The following PIP5K1A variants were observed in gnomAD, a reference collection of about 807,000 sequenced individuals.
PIP5K1A encodes phosphatidylinositol-4-phosphate 5-kinase type 1 alpha.
PIP5K1A carries 46 observed loss-of-function variants against 72.9 expected under a neutral mutation model. The observed-to-expected ratio is 0.63, with a 90% CI of 0.50 to 0.81. PIP5K1A has a LOEUF of 0.81. Among genes scored for constraint, PIP5K1A ranks in the 30% least tolerant of loss-of-function variants. The pLI is 0.00. For synonymous variants in PIP5K1A, 228 were observed against 255.1 expected (o/e 0.89, Z 1.01); for missense variants, 458 against 706.1 (o/e 0.65, Z 3.98).
intron 1 of PIP5K1A, among the ~76,000 whole-genome samples, chr1:151,208,695 T>C (rs1364077837): frequency 6.7e-6 from 1 of 149,686 alleles, no homozygotes; most frequent in Non-Finnish European, 1.5e-5. Flanking sequence ...ATCCAGTCAT[T>C]ATTAAGGATG....
Position 151,198,662 on chromosome 1 carries a change from G to C in PIP5K1A, c.-335G>C, listed in dbSNP as rs1558224378. On this transcript the variant is annotated 5_prime_UTR_variant, in exon 1 of 16. Coordinates refer to ENST00000368888, the MANE Select transcript of PIP5K1A (RefSeq NM_001135638.2). The stretch of plus-strand genomic sequence containing the variant: ...GCTCCTTTGGGACTTTTCATGCCTC[G>C]TTTTTTTTTCAGATGTGGCTTGGTC... The C allele has an allele frequency of 9.7e-6, 3 of 310,324 alleles. No homozygotes were observed. Among genetic ancestry groups the C allele is most frequent in the Non-Finnish European group, 1.8e-5 (3 of 164,804 alleles). The allele number at this position is 310,324 out of a possible 1,614,324, so 19.2% of individuals were successfully genotyped here.
intron 1 of PIP5K1A, among the ~76,000 whole-genome samples, chr1:151,217,274 T>G (rs587684546): frequency 1.3e-5 from 2 of 152,252 alleles, no homozygotes; most frequent in African/African-American, 4.8e-5. Context: ...TTTTTCTGTT[T>G]TTGGTTTTGT....
chr1:151,246,382 T>C (rs1041712337), intron 14 of PIP5K1A, among the ~76,000 whole-genome samples: 8 of 152,152 alleles, frequency 5.3e-5, no homozygotes, highest in African/African-American at 1.7e-4. Context: ...AGCTCACTTA[T>C]ATGGTTGTTG....
intron 1 of PIP5K1A, chr1:151,223,890 G>T: frequency 4.2e-6 from 1 of 237,478 alleles, no homozygotes. Flanking sequence ...TCAGGAGGCT[G>T]AGCAGGAGAA....
intron 1 of PIP5K1A, among the ~76,000 whole-genome samples, chr1:151,204,471 C>T (rs1685667476): frequency 6.6e-6 from 1 of 152,198 alleles, no homozygotes; most frequent in Non-Finnish European, 1.5e-5. Flanking sequence ...GCCGCCACGC[C>T]CGGCCTGTGG....
upstream of PIP5K1A, chr1:151,197,952 G>T (rs958982120): frequency 7.0e-6 from 3 of 430,806 alleles, no homozygotes; most frequent in African/African-American, 2.1e-5. Flanking sequence ...GGGTTGGGTC[G>T]CGGGAAGGTT....
chr1:151,199,546 A>C (rs192140705), intron 1 of PIP5K1A, among the ~76,000 whole-genome samples: 1 of 151,860 alleles, frequency 6.6e-6, no homozygotes, highest in Non-Finnish European at 1.5e-5. Flanking sequence ...CCTGGGAGGC[A>C]GAGCTTGCGG....
At chr1:151,231,844 C>A (rs771760339) in intron 5 of PIP5K1A, 43 bp downstream of exon 5, 38 of 1,601,510 alleles carry the variant, frequency 2.4e-5, no homozygotes, top group Admixed American at 3.3e-5. Flanking sequence ...GAAATGTGGC[C>A]TTTTCAAATC....
chr1:151,223,945 G>C, intron 1 of PIP5K1A: 1 of 404,846 alleles, frequency 2.5e-6, no homozygotes, highest in South Asian at 2.9e-5. Context: ...TCCAGCCTGG[G>C]CGATAGAGTG....
intron 1 of PIP5K1A, among the ~76,000 whole-genome samples, chr1:151,212,186 C>T (rs1214766405): frequency 6.6e-6 from 1 of 151,828 alleles, no homozygotes; most frequent in Non-Finnish European, 1.5e-5. Context: ...GGTGCGGTAG[C>T]TTAACGCCTG....
intron 1 of PIP5K1A, among the ~76,000 whole-genome samples, chr1:151,200,511 C>T (rs1458182470): frequency 3.9e-5 from 6 of 152,038 alleles, no homozygotes; most frequent in Non-Finnish European, 7.4e-5. Flanking sequence ...CTGGAATAGA[C>T]GCTGCCAGAT....
chr1:151,206,053 T>C (rs1241890477), intron 1 of PIP5K1A, among the ~76,000 whole-genome samples: 1 of 152,144 alleles, frequency 6.6e-6, no homozygotes, highest in Admixed American at 6.6e-5. Context: ...CCCTTTCCCA[T>C]CTAAACAGAG....
chr1:151,220,319 T>C (rs1246693001), intron 1 of PIP5K1A, among the ~76,000 whole-genome samples: 1 of 152,018 alleles, frequency 6.6e-6, no homozygotes, highest in Non-Finnish European at 1.5e-5. Flanking sequence ...GTCTCTATTT[T>C]AAAAAAGCCA....
chr1:151,232,347 C>T lies in PIP5K1A; in HGVS notation c.468C>T (p.Ile156=). The change falls in exon 6 of 16, where the codon ATC becomes ATT. Residue 156 remains isoleucine (I), a synonymous_variant. Coordinates refer to ENST00000368888, the MANE Select transcript of PIP5K1A (RefSeq NM_001135638.2). The part of the protein sequence containing the change: ...AFRYFRELFG[I]RPDDYLYSLC... ...GCTACTTCCGGGAGCTATTTGGTAT[C>T]CGGCCCGATGATTACTTGGTAAGCA... The T allele has an allele frequency of 6.2e-7, 1 of 1,612,846 alleles. No individual in the cohort carries two copies. Among genetic ancestry groups the T allele is most frequent in the Non-Finnish European group, 8.5e-7 (1 of 1,178,844 alleles).
intron 1 of PIP5K1A, among the ~76,000 whole-genome samples, chr1:151,204,382 G>T (rs910992598): frequency 3.9e-5 from 6 of 152,044 alleles, no homozygotes; most frequent in Non-Finnish European, 8.8e-5. Flanking sequence ...TCGCCATGTT[G>T]GCCAGGCTAG....
upstream of PIP5K1A, among the ~76,000 whole-genome samples, chr1:151,196,456 A>C (rs189059796): frequency 6.6e-6 from 1 of 152,110 alleles, no homozygotes; most frequent in African/African-American, 2.4e-5. Flanking sequence ...TCGGTGCCCA[A>C]AGGAAGACGA....
chr1:151,239,127 C>G lies in PIP5K1A; in HGVS notation c.1230-3C>G. ...GAGTAGGTGATGTACATTTTTCTTG[C>G]AGGTTTGTTAAGAAGTTGGAGCACT... On this transcript the variant is annotated splice_polypyrimidine_tract_variant and splice_region_variant and intron_variant, in intron 10 of 15. Coordinates refer to ENST00000368888, the MANE Select transcript of PIP5K1A (RefSeq NM_001135638.2). 2.5e-6 allele frequency: 4 copies of G among 1,607,228 alleles called. No homozygotes were observed. Among genetic ancestry groups the G allele is most frequent in the Non-Finnish European group, 3.4e-6 (4 of 1,174,112 alleles).
chr1:151,217,873 G>C (rs1236711744), intron 1 of PIP5K1A, among the ~76,000 whole-genome samples: 3 of 152,028 alleles, frequency 2.0e-5, no homozygotes, highest in African/African-American at 7.3e-5. Flanking sequence ...TCCACCTCCT[G>C]GGTTCAAGCG....
chr1:151,242,173 C>T lies in PIP5K1A; in HGVS notation c.1414C>T (p.Arg472Ter), dbSNP rs747336821. 8.1e-6 allele frequency: 13 copies of T among 1,613,888 alleles called. No individual in the cohort carries two copies. The highest frequency in any genetic ancestry group is 5.0e-5 in the Admixed American group (3 of 59,996). ...KFRSGSSFSR[R>*]AGSSGNSCIT... ...TCGGTCTGGCTCATCTTTCTCTCGGCGAGCAGGCTCCAGTGGCAACTCCTG... is the reference window on the plus strand; with the variant it reads ...TCGGTCTGGCTCATCTTTCTCTCGGTGAGCAGGCTCCAGTGGCAACTCCTG... Residue 472 changes from arginine to a stop codon, truncating the protein, a stop_gained, in exon 13 of 16, where the codon CGA becomes TGA. Coordinates refer to ENST00000368888, the MANE Select transcript of PIP5K1A (RefSeq NM_001135638.2). LOFTEE classifies it high-confidence loss of function.
Sources: gnomAD v4.1 joint callset for allele counts (sites outside exome capture counted in the v4.1 genomes callset) on GRCh38, gnomAD v4.1.1 for gene constraint, MANE v1.5 for transcripts, NCBI Gene and HGNC (gene_info 2026-07-23, HGNC 2026-07-21) for gene names.